KCTD1: variants seen among roughly 807,000 people sequenced by gnomAD.
The protein encoded by KCTD1 is BTB/POZ domain-containing protein KCTD1.
KCTD1 carries 24 observed loss-of-function variants against 66.0 expected under a neutral mutation model. The ratio of observed to expected loss-of-function variants is 0.36; its 90% CI spans 0.26 to 0.51. The LOEUF (loss-of-function observed/expected upper bound fraction) is 0.51. Among genes scored for constraint, KCTD1 ranks in the 20% least tolerant of loss-of-function variants. The pLI, the probability that KCTD1 is intolerant of heterozygous loss-of-function variation, is 0.95. For synonymous variants in KCTD1, 511 were observed against 517.2 expected, an observed-to-expected ratio of 0.99 and a Z score of 0.16; for missense variants, 943 against 1,205.2, an observed-to-expected ratio of 0.78 and a Z score of 3.22.
rs1663123622 is a variant in KCTD1 at position 26,548,115 on chromosome 18, G to T, written c.422C>A (p.Ala141Glu). 2.5e-5 allele frequency: 33 copies of T among 1,307,586 alleles called. No homozygotes were observed. Among genetic ancestry groups the T allele is most frequent in the Non-Finnish European group, 3.2e-5 (33 of 1,037,556 alleles). 81.0% of individuals were successfully genotyped at this position (1,307,586 alleles called of 1,614,324 possible). A position where few individuals can be genotyped will look rare whatever the true frequency, so the allele number is the denominator to read the frequency against. Reference sequence around the variant, plus strand: ...GGGCGGCCCACCGCGGGCCCGGGGCGCCAGCAGTCGCGGCGGCGCCTCGGG... The same window carrying T: ...GGGCGGCCCACCGCGGGCCCGGGGCTCCAGCAGTCGCGGCGGCGCCTCGGG... ...LEPEAPPRLL[A>E]PRARGGPPGD... Residue 141 changes from alanine to glutamate, a missense_variant, in exon 1 of 5, where the codon GCG becomes GAG. Ala to Glu is a moderately radical substitution (Grantham distance 107). Transcript: ENST00000580059.
intron 1 of KCTD1, among the ~76,000 whole-genome samples, chr18:26,531,458 A>G (rs1333728752): frequency 6.6e-6 from 1 of 152,372 alleles, no homozygotes. Flanking sequence ...GTATATGTGT[A>G]TATACCCTTA....
intron 1 of KCTD1, among the ~76,000 whole-genome samples, chr18:26,592,658 C>T (rs1454364726): frequency 4.6e-5 from 7 of 152,236 alleles, no homozygotes; most frequent in African/African-American, 1.7e-4. Flanking sequence ...CAGCAACCCA[C>T]CCCCATGACC....
chr18:26,633,266 CT>C (rs754888535), upstream of KCTD1, among the ~76,000 whole-genome samples: 9 of 152,074 alleles, frequency 5.9e-5, no homozygotes, highest in Non-Finnish European at 1.0e-4. Flanking sequence ...GGCTCTTCAT[CT>C]GAAATAAAGT....
chr18:26,519,984 T>C (rs1446358801), intron 1 of KCTD1, among the ~76,000 whole-genome samples: 4 of 152,270 alleles, frequency 2.6e-5, no homozygotes, highest in Non-Finnish European at 5.9e-5. Context: ...CTATTCACTG[T>C]ACCTGTTCTA....
At chr18:26,624,334 G>C (rs888360559) in intron 1 of KCTD1, among the ~76,000 whole-genome samples, 1 of 152,210 alleles carries the variant, frequency 6.6e-6, no homozygotes, top group African/African-American at 2.4e-5. Flanking sequence ...AGAACTTCAT[G>C]GCAGCCATTC....
At chr18:26,520,869 A>C (rs1473300584) in intron 1 of KCTD1, among the ~76,000 whole-genome samples, 5 of 152,170 alleles carry the variant, frequency 3.3e-5, no homozygotes, top group African/African-American at 1.2e-4. Flanking sequence ...CCCTGTTTTA[A>C]TTTCCTAAAG....
chr18:26,505,471 G>A (rs976222255), intron 1 of KCTD1, among the ~76,000 whole-genome samples: 7 of 152,244 alleles, frequency 4.6e-5, no homozygotes, highest in South Asian at 2.1e-4. Flanking sequence ...CGAAGAACCC[G>A]GGAGAGGAAC....
At chr18:26,561,411 A>T (rs956053026) in intron 1 of KCTD1, among the ~76,000 whole-genome samples, 2 of 152,082 alleles carry the variant, frequency 1.3e-5, no homozygotes, top group Admixed American at 6.5e-5. Context: ...TCATCTCTGA[A>T]ATCTGTCTCC....
At chr18:26,600,330 T>A in intron 1 of KCTD1, 1 of 1,528,506 alleles carries the variant, frequency 6.5e-7, no homozygotes, top group Non-Finnish European at 9.1e-7. Flanking sequence ...ATAGCAATCT[T>A]CATGATGCCT....
chr18:26,503,741 G>A (rs535764129), intron 1 of KCTD1, among the ~76,000 whole-genome samples: 5 of 151,770 alleles, frequency 3.3e-5, no homozygotes, highest in South Asian at 2.1e-4. Flanking sequence ...ATAACTGATC[G>A]GTTGAAGCAT....
At chr18:26,477,028 A>G (rs1273758949) in intron 2 of KCTD1, 1 of 168,854 alleles carries the variant, frequency 5.9e-6, no homozygotes, top group African/African-American at 2.4e-5. Context: ...CATCTTTGAA[A>G]CAGGTTCTAC....
At chr18:26,572,236 T>C (rs749475840) in intron 1 of KCTD1, among the ~76,000 whole-genome samples, 1 of 152,070 alleles carries the variant, frequency 6.6e-6, no homozygotes, top group Non-Finnish European at 1.5e-5. Flanking sequence ...ATTTTTGTAT[T>C]TTTAGTAGAG....
At chr18:26,621,970 G>A (rs750724601) in intron 1 of KCTD1, among the ~76,000 whole-genome samples, 1 of 152,112 alleles carries the variant, frequency 6.6e-6, no homozygotes, top group Non-Finnish European at 1.5e-5. Context: ...AGTGAATATG[G>A]GCTAATGAAA....
At position 26,502,421 on chromosome 18, in the gene KCTD1, G is replaced by A. The variant is rs144463547; in HGVS notation, c.1810-1171C>T. On this transcript the variant is annotated intron_variant, in intron 1 of 4. Coordinates refer to ENST00000580059, the MANE Select transcript of KCTD1 (RefSeq NM_001142730.3). ...TTGCCCATGCTGATCTTGACCTCCT[G>A]GGCTCAGGCGATCTGCTCATCTCAG... 2.8e-3 allele frequency among the ~76,000 whole-genome samples: 420 copies of A among 152,246 alleles called. 1 individual carries two copies. The highest frequency in any genetic ancestry group is 9.8e-3 in the African/African-American group (406 of 41,542).
At chr18:26,474,125 T>A (rs1272180135) in intron 3 of KCTD1, among the ~76,000 whole-genome samples, 2 of 152,190 alleles carry the variant, frequency 1.3e-5, no homozygotes, top group African/African-American at 4.8e-5. Context: ...TACATATGGT[T>A]CTGCAACTTA....
intron 1 of KCTD1, among the ~76,000 whole-genome samples, chr18:26,653,726 TCAAAC>T (rs1988077913): frequency 6.6e-6 from 1 of 152,248 alleles, no homozygotes; most frequent in African/African-American, 2.4e-5. Context: ...TTCAGTTATC[TCAAAC>T]CAAACTCATC....
intron 1 of KCTD1, among the ~76,000 whole-genome samples, chr18:26,505,207 G>A (rs1212930206): frequency 6.6e-6 from 1 of 152,276 alleles, no homozygotes; most frequent in Non-Finnish European, 1.5e-5. Context: ...GCTGCCTGCT[G>A]AGATGCAGCA....
chr18:26,455,752 A>T lies in KCTD1; in HGVS notation c.2589T>A (p.Pro863=), dbSNP rs1980041331. 1.9e-6 allele frequency: 3 copies of T among 1,613,906 alleles called. No individual in the cohort carries two copies. The Admixed American group carries it at 5.0e-5, about 27-fold the overall frequency. Residue 863 remains proline (P), a synonymous_variant, in exon 5 of 5, where the codon CCT becomes CCA. Transcript: ENST00000580059. ...VPSVIRIKQE[P]LD is the part of the protein sequence containing the mutation. ...TAAGAAATATGTCCATTTAGTCCAG[A>T]GGCTCTTGCTTTATCCGGATGACGG...
At chr18:26,466,079 G>A (rs9949499) in intron 3 of KCTD1, among the ~76,000 whole-genome samples, 2 of 25,472 alleles carry the variant, frequency 7.9e-5, no homozygotes, top group African/African-American at 3.4e-4. Context: ...CCGCAGGTAC[G>A]GGTGAAGAAA....
Sources: allele counts gnomAD v4.1 joint callset (sites outside exome capture counted in the v4.1 genomes callset), GRCh38; gene constraint gnomAD v4.1.1; transcripts MANE v1.5; gene names NCBI Gene and HGNC (gene_info 2026-07-23, HGNC 2026-07-21).